Variants in POLQ observed in about 807,000 individuals in gnomAD.
POLQ encodes the protein DNA polymerase theta.
Under a neutral mutation model 259.2 loss-of-function variants are expected in POLQ, and 233 were observed. The observed-to-expected ratio is 0.90, with a 90% confidence interval of 0.81 to 1.00. POLQ has a LOEUF of 1.00. Among genes scored for constraint, POLQ ranks in the 50% least tolerant of loss-of-function variants. The pLI is 0.00. For synonymous variants in POLQ, 1,025 were observed against 1,048.8 expected, an observed-to-expected ratio of 0.98 and a Z score of 0.44; for missense variants, 2,871 against 3,051.6, an observed-to-expected ratio of 0.94 and a Z score of 1.39.
chr3:121,545,647 A>G (rs897244620), intron 1 of POLQ, 68 bp downstream of exon 1: 18 of 1,429,602 alleles, frequency 1.3e-5, no homozygotes, highest in Admixed American at 8.9e-5. Flanking sequence ...TGGGGTGAGG[A>G]CACCTCCCGA....
At chr3:121,498,865 C>T (rs2048144957) in intron 12 of POLQ, among the ~76,000 whole-genome samples, 195 bp from the exon 13 acceptor site, 1 of 152,114 alleles carries the variant, frequency 6.6e-6, no homozygotes, top group African/African-American at 2.4e-5. Flanking sequence ...TGTGCCACTG[C>T]ACTCTAGCTC....
chr3:121,513,476 C>A (rs1158277077), intron 9 of POLQ, among the ~76,000 whole-genome samples: 1 of 151,516 alleles, frequency 6.6e-6, no homozygotes. Context: ...GTGGCACGCA[C>A]CTGTAGTCCC....
intron 24 of POLQ, among the ~76,000 whole-genome samples, chr3:121,466,634 G>A (rs1314719940): frequency 6.6e-6 from 1 of 151,352 alleles, no homozygotes; most frequent in East Asian, 2.0e-4. Context: ...AGGTTGCGCT[G>A]AGCCGAGATC....
chr3:121,453,755 C>T (rs558490659), intron 25 of POLQ, among the ~76,000 whole-genome samples: 37 of 152,120 alleles, frequency 2.4e-4, no homozygotes, highest in Non-Finnish European at 5.1e-4. Context: ...CTATGTCTCA[C>T]TGGTGTATCT....
chr3:121,520,917 GA>G (rs1004605841), intron 8 of POLQ, among the ~76,000 whole-genome samples: 17 of 152,076 alleles, frequency 1.1e-4, no homozygotes, highest in African/African-American at 3.6e-4. Flanking sequence ...ATGAGTAAAT[GA>G]AAAACAGTGT....
At chr3:121,503,758 G>A (rs528242563) in intron 12 of POLQ, among the ~76,000 whole-genome samples, 16 of 152,256 alleles carry the variant, frequency 1.1e-4, no homozygotes, top group African/African-American at 1.4e-4. Flanking sequence ...ATCATCTAGC[G>A]TAATTATAAT....
rs1200045744 is a variant in POLQ, at chr3:121,529,791, C to T, written c.962G>A (p.Gly321Glu). The T allele has an allele frequency of 6.2e-7, 1 of 1,602,078 alleles. No individual in the cohort carries two copies. Among genetic ancestry groups the T allele is most frequent in the South Asian group, 1.1e-5 (1 of 89,172 alleles). The change falls in exon 7 of 30, where the codon GGA becomes GAA. Residue 321 changes from glycine (G) to glutamate (E), a missense_variant and splice_region_variant. Coordinates refer to ENST00000264233, the MANE Select transcript of POLQ (RefSeq NM_199420.4). ...REFEPMLQVK[G>E]DEDHVVSLCY... The stretch of plus-strand genomic sequence containing the variant: ...TAAACTAACAACATGGTCCTCATCT[C>T]CCTAAAACAGAAAGATAAATAACCA...
chr3:121,438,674 T>C (rs1418440480), intron 27 of POLQ, among the ~76,000 whole-genome samples: 1 of 152,228 alleles, frequency 6.6e-6, no homozygotes, highest in Admixed American at 6.5e-5. Flanking sequence ...TTTAAGTCTT[T>C]CCTTCTCCCT....
intron 24 of POLQ, among the ~76,000 whole-genome samples, chr3:121,464,491 T>A (rs1390054582): frequency 2.0e-5 from 3 of 152,310 alleles, no homozygotes; most frequent in African/African-American, 7.2e-5. Flanking sequence ...ATATTAAAAA[T>A]TTTTAAAAAT....
rs1463445458 is a variant in POLQ at position 121,487,405 on chromosome 3, C to T, written c.5526G>A (p.Lys1842=). The change falls in exon 16 of 30, where the codon AAG becomes AAA. Residue 1842 remains lysine (K), a synonymous_variant. Transcript: ENST00000264233. ...SDQNLFQTFI[K]EWRCKKRFSI... is the part of the protein sequence containing the mutation. Reference sequence around the variant, plus strand: ...AAAATCGCTTTTTGCACCGCCACTCCTTAATGAATGTTTGGAAAAGATTTT... The same window carrying T: ...AAAATCGCTTTTTGCACCGCCACTCTTTAATGAATGTTTGGAAAAGATTTT... The T allele has an allele frequency of 6.2e-7, 1 of 1,613,928 alleles. No homozygotes were observed. The highest frequency in any genetic ancestry group is 1.3e-5 in the African/African-American group (1 of 74,898).
chr3:121,526,819 C>T (rs1028419807), intron 7 of POLQ, among the ~76,000 whole-genome samples: 1 of 151,964 alleles, frequency 6.6e-6, no homozygotes, highest in Non-Finnish European at 1.5e-5. Flanking sequence ...TTTCTCAAAT[C>T]GTAGTAGAGT....
At chr3:121,476,754 AAAACGTT>A in intron 19 of POLQ, 21 bp from the exon 20 acceptor site, 1 of 1,558,838 alleles carries the variant, frequency 6.4e-7, no homozygotes, top group Admixed American at 1.8e-5. Context: ...AAAGAAAATT[AAAACGTT>A]AATTCATTGG....
At chr3:121,537,396 T>A (rs943587792) in intron 4 of POLQ, among the ~76,000 whole-genome samples, 188 bp from the exon 5 acceptor site, 1 of 152,196 alleles carries the variant, frequency 6.6e-6, no homozygotes, top group East Asian at 1.9e-4. Flanking sequence ...AATGATCCCA[T>A]CACCCAGGTA....
intron 28 of POLQ, among the ~76,000 whole-genome samples, chr3:121,434,154 C>G (rs887955187): frequency 4.6e-5 from 7 of 152,228 alleles, no homozygotes; most frequent in Non-Finnish European, 8.8e-5. Context: ...TTTCCCTTGG[C>G]TACCTGGCTT....
rs770835306 is a variant in POLQ, at chr3:121,531,826, C to A, written c.960+1164G>T. Among the ~76,000 whole-genome samples the A allele has an allele frequency of 5.3e-5, 8 of 152,144 alleles. No homozygotes were observed. The East Asian group carries it at 9.6e-4, about 18-fold the overall frequency. On this transcript the variant is annotated intron_variant, in intron 6 of 29. Transcript: ENST00000264233. Reference sequence around the variant, plus strand: ...TTGAAGTAACCAAGGCATAGCCAGGCGAAATATGGGGCACAGAGCAAAGCA... The same window carrying A: ...TTGAAGTAACCAAGGCATAGCCAGGAGAAATATGGGGCACAGAGCAAAGCA...
intron 25 of POLQ, among the ~76,000 whole-genome samples, chr3:121,459,640 C>T (rs2047774951): frequency 6.6e-6 from 1 of 152,150 alleles, no homozygotes; most frequent in East Asian, 1.9e-4. Context: ...CTCAGCCTCC[C>T]AAAGTGCTGG....
Position 121,488,255 on chromosome 3 carries a change from G to T in POLQ, c.4676C>A (p.Ser1559Ter). 1.9e-6 allele frequency: 3 copies of T among 1,612,694 alleles called. No individual in the cohort carries two copies. Among genetic ancestry groups the T allele is most frequent in the Non-Finnish European group, 2.5e-6 (3 of 1,179,306 alleles). Residue 1559 changes from serine to a stop codon, truncating the protein, a stop_gained, in exon 16 of 30, where the codon TCA becomes TAA. Transcript: ENST00000264233. LOFTEE classifies it high-confidence loss of function. ...TCSNDESIIF[S>*]EMDSVQMVEA... Reference sequence around the variant, plus strand: ...AACCATCTGAACAGAATCCATTTCTGAAAATATAATAGATTCATCATTGGA... The same window carrying T: ...AACCATCTGAACAGAATCCATTTCTTAAAATATAATAGATTCATCATTGGA...
intron 25 of POLQ, among the ~76,000 whole-genome samples, chr3:121,450,085 A>G (rs1467811940): frequency 6.6e-6 from 1 of 152,204 alleles, no homozygotes; most frequent in African/African-American, 2.4e-5. Context: ...AAAATGTATC[A>G]TCTTGCACAA....
At chr3:121,478,353 C>T (rs1169392415) in intron 19 of POLQ, among the ~76,000 whole-genome samples, 1 of 151,786 alleles carries the variant, frequency 6.6e-6, no homozygotes, top group Non-Finnish European at 1.5e-5. Flanking sequence ...TACAAGACAG[C>T]AAAGAAATGT....
Sources: allele counts gnomAD v4.1 joint callset (sites outside exome capture counted in the v4.1 genomes callset), GRCh38; gene constraint gnomAD v4.1.1; transcripts MANE v1.5; gene names NCBI Gene and HGNC (gene_info 2026-07-23, HGNC 2026-07-21).